Variants in VAC14 observed in about 807,000 individuals in gnomAD.
VAC14 encodes VAC14 component of PIKFYVE complex.
In VAC14, 47 loss-of-function variants were observed where a neutral mutation model predicts 85.3. The observed-to-expected ratio is 0.55, with a 90% CI of 0.44 to 0.70. The LOEUF is 0.70. VAC14 is among the 30% of genes least tolerant of loss of function. The pLI is 0.00. For missense variants in VAC14, 861 were observed against 1,004.3 expected, an observed-to-expected ratio of 0.86 and a Z score of 1.93; for synonymous variants, 447 against 430.5, an observed-to-expected ratio of 1.04 and a Z score of -0.47.
chr16:70,772,131 T>C lies in VAC14; in HGVS notation c.1138A>G (p.Ile380Val). The C allele has an allele frequency of 1.9e-6, 3 of 1,614,160 alleles. No homozygotes were observed. The highest frequency in any genetic ancestry group is 2.5e-6 in the Non-Finnish European group (3 of 1,180,018). Residue 380 changes from isoleucine to valine, a missense_variant, in exon 10 of 19, where the codon ATC (isoleucine) becomes GTC (valine). Around this residue, in one of 3 missense-constraint regions of VAC14, gnomAD observed 629 missense variants for 703.1 expected, o/e 0.89. Coordinates refer to ENST00000261776, the MANE Select transcript of VAC14 (RefSeq NM_018052.5). ...GSCDSSFSSG[I>V]SVFTAASTER... ...TACCTGGCTGCAGTGAAGACACTGATGCCGCTACTGAAGCTGGAGTCACAG... is the reference window on the plus strand; with the variant it reads ...TACCTGGCTGCAGTGAAGACACTGACGCCGCTACTGAAGCTGGAGTCACAG...
rs147420281 is a variant in VAC14, at chr16:70,777,428, C to G, written c.1096+3362G>C. Among the ~76,000 whole-genome samples the G allele has an allele frequency of 3.3e-5, 5 of 152,316 alleles. No individual in the cohort carries two copies. In the East Asian group the frequency reaches 9.6e-4, roughly 29 times the overall value. ...AGGGTAGGCAGCTGTCTGAGGGGAA[C>G]AGATATAAAGTCAGCAGAGCCAGGA... On this transcript the variant is annotated intron_variant, in intron 9 of 18. Transcript: ENST00000261776.
chr16:70,784,508 A>T (rs1472639068), intron 4 of VAC14, among the ~76,000 whole-genome samples: 1 of 152,188 alleles, frequency 6.6e-6, no homozygotes, highest in Non-Finnish European at 1.5e-5. Flanking sequence ...TGTCAGGGCC[A>T]GAGAGGTGTG....
intron 10 of VAC14, chr16:70,769,518 CACTG>C (rs2033060966): frequency 1.3e-5 from 2 of 152,250 alleles, no homozygotes; most frequent in South Asian, 4.1e-4. Flanking sequence ...CAGCTGGTGA[CACTG>C]ACTGTGCAGC....
At chr16:70,729,271 G>A (rs866270263) in intron 14 of VAC14, among the ~76,000 whole-genome samples, 1 of 152,208 alleles carries the variant, frequency 6.6e-6, no homozygotes, top group Non-Finnish European at 1.5e-5. Flanking sequence ...GAGAAGCCCT[G>A]CTCTAGAAGA....
At chr16:70,697,010 C>T (rs1412115251) in intron 16 of VAC14, 129 bp downstream of exon 16, 2 of 722,350 alleles carry the variant, frequency 2.8e-6, no homozygotes, top group Non-Finnish European at 4.9e-6. Context: ...TGTCACAAGC[C>T]CTGAGGCTGA....
At chr16:70,744,370 C>T in intron 13 of VAC14, 53 bp downstream of exon 13, 1 of 1,610,282 alleles carries the variant, frequency 6.2e-7, no homozygotes, top group African/African-American at 1.3e-5. Context: ...CAGCCTAAGA[C>T]CCGGCACTGG....
chr16:70,697,045 G>A, intron 16 of VAC14, 94 bp downstream of exon 16: 1 of 1,000,052 alleles, frequency 1.0e-6, no homozygotes, highest in South Asian at 1.4e-5. Flanking sequence ...ACAGGAGCAT[G>A]GCACTTGGGC....
intron 1 of VAC14, among the ~76,000 whole-genome samples, chr16:70,787,972 G>A (rs1233647443): frequency 1.3e-5 from 2 of 152,214 alleles, no homozygotes; most frequent in East Asian, 3.9e-4. Context: ...CACTGAAGGT[G>A]GAAAAAGGGC....
chr16:70,764,802 C>A (rs1243469164), intron 10 of VAC14, among the ~76,000 whole-genome samples: 1 of 152,206 alleles, frequency 6.6e-6, no homozygotes, highest in African/African-American at 2.4e-5. Flanking sequence ...TCAGTAGCCA[C>A]GTGGCTGCCG....
chr16:70,731,667 T>C, intron 13 of VAC14, 40 bp from the exon 14 acceptor site: 2 of 1,564,146 alleles, frequency 1.3e-6, no homozygotes, highest in Non-Finnish European at 1.7e-6. Flanking sequence ...ATTCTGATTA[T>C]GTGTCCACAG....
intron 14 of VAC14, among the ~76,000 whole-genome samples, chr16:70,718,478 AGG>A (rs367997430): frequency 0.064 from 9,701 of 151,888 alleles, 336 homozygotes; most frequent in Middle Eastern, 0.078. Context: ...AGGCTGAGGC[AGG>A]GGAGAATGGC....
chr16:70,711,359 C>T (rs2054029931), intron 14 of VAC14, among the ~76,000 whole-genome samples: 1 of 152,190 alleles, frequency 6.6e-6, no homozygotes, highest in Non-Finnish European at 1.5e-5. Context: ...GCAGCAGGGC[C>T]TGGCTCGGCC....
chr16:70,691,950 C>T, intron 18 of VAC14: 7 of 985,276 alleles, frequency 7.1e-6, no homozygotes, highest in Non-Finnish European at 8.4e-6. Flanking sequence ...GCTCTAACAG[C>T]CTGGGAGGGA....
chr16:70,760,966 T>G (rs867240918), intron 12 of VAC14, among the ~76,000 whole-genome samples: 7 of 60,060 alleles, frequency 1.2e-4, no homozygotes, highest in African/African-American at 5.0e-4. Flanking sequence ...AGAGAGGGTG[T>G]GTGTGTGTGT....
At chr16:70,740,723 C>G (rs1326333816) in intron 13 of VAC14, among the ~76,000 whole-genome samples, 1 of 152,232 alleles carries the variant, frequency 6.6e-6, no homozygotes, top group Non-Finnish European at 1.5e-5. Flanking sequence ...CCCGCCCAGG[C>G]TGCTCCCCAT....
At chr16:70,726,396 G>C (rs865900877) in intron 14 of VAC14, among the ~76,000 whole-genome samples, 20 of 152,340 alleles carry the variant, frequency 1.3e-4, no homozygotes, top group African/African-American at 4.6e-4. Context: ...ATCCCCTCAG[G>C]GGTGTGGTTC....
At chr16:70,696,531 C>T (rs1443654480) in intron 16 of VAC14, among the ~76,000 whole-genome samples, 2 of 152,204 alleles carry the variant, frequency 1.3e-5, no homozygotes, top group African/African-American at 4.8e-5. Flanking sequence ...AAACATCTAA[C>T]TCTGGATGCC....
At chr16:70,772,965 A>G (rs1448287722) in intron 9 of VAC14, 1 of 152,248 alleles carries the variant, frequency 6.6e-6, no homozygotes, top group African/African-American at 2.4e-5. Flanking sequence ...AAGTGAAAGA[A>G]GCCAGTCATA....
chr16:70,693,034 A>G (rs997353954), intron 17 of VAC14, 63 bp from the exon 18 acceptor site: 18 of 1,554,882 alleles, frequency 1.2e-5, no homozygotes, highest in Non-Finnish European at 1.5e-5. Context: ...CCCAGCCCAC[A>G]CTGCCTGCCT....
Sources: allele counts gnomAD v4.1 joint callset (sites outside exome capture counted in the v4.1 genomes callset), GRCh38; gene constraint gnomAD v4.1.1; regional missense constraint gnomAD v4.1.1; transcripts MANE v1.5; gene names NCBI Gene and HGNC (gene_info 2026-07-23, HGNC 2026-07-21).